The following SHB variants were observed in gnomAD, a reference collection of about 807,000 sequenced individuals.
SHB encodes the protein SH2 domain-containing adapter protein B.
SHB carries 20 observed loss-of-function variants against 52.3 expected under a neutral mutation model. The observed-to-expected ratio is 0.38, with a 90% CI of 0.27 to 0.56. The LOEUF (loss-of-function observed/expected upper bound fraction) is 0.56. Among genes scored for constraint, SHB ranks in the 20% least tolerant of loss-of-function variants. The pLI is 0.71. For missense variants in SHB, 825 were observed against 723.3 expected, an observed-to-expected ratio of 1.14 and a Z score of -1.61; for synonymous variants, 397 against 316.5, an observed-to-expected ratio of 1.25 and a Z score of -2.70.
At chr9:37,942,193 C>A (rs1280968725) in intron 5 of SHB, among the ~76,000 whole-genome samples, 1 of 152,190 alleles carries the variant, frequency 6.6e-6, no homozygotes. Flanking sequence ...AGGTATTTGC[C>A]GGCTAAAGAC....
intron 5 of SHB, among the ~76,000 whole-genome samples, chr9:37,923,801 C>T (rs1460035747): frequency 6.6e-6 from 1 of 152,212 alleles, no homozygotes; most frequent in African/African-American, 2.4e-5. Flanking sequence ...CCCTGGGGTA[C>T]CGTGGAGGAA....
intron 2 of SHB, among the ~76,000 whole-genome samples, chr9:37,988,503 T>C (rs1820838726): frequency 6.6e-6 from 1 of 152,132 alleles, no homozygotes; most frequent in Admixed American, 6.5e-5. Flanking sequence ...CCTACTAGCA[T>C]GTTGGACGCT....
At chr9:37,944,165 G>C (rs568122783) in intron 5 of SHB, among the ~76,000 whole-genome samples, 1 of 152,168 alleles carries the variant, frequency 6.6e-6, no homozygotes, top group Non-Finnish European at 1.5e-5. Flanking sequence ...CAGAATCGCC[G>C]AAGACGATTC....
At chr9:38,017,565 C>G (rs911196701) in intron 1 of SHB, among the ~76,000 whole-genome samples, 1 of 152,216 alleles carries the variant, frequency 6.6e-6, no homozygotes, top group Admixed American at 6.5e-5. Flanking sequence ...TGGAGGCCAA[C>G]GGGAGGTTTA....
At chr9:38,056,106 G>A (rs1821812402) in intron 1 of SHB, among the ~76,000 whole-genome samples, 1 of 152,104 alleles carries the variant, frequency 6.6e-6, no homozygotes, top group Non-Finnish European at 1.5e-5. Flanking sequence ...TCACTGATGA[G>A]ACCTAAACAC....
Position 38,023,414 on chromosome 9 carries a change from G to A in SHB, c.718-7283C>T, listed in dbSNP as rs112699262. Among the ~76,000 whole-genome samples the A allele has an allele frequency of 7.8e-3, 1,182 of 152,278 alleles. 12 individuals carry two copies. Among genetic ancestry groups the A allele is most frequent in the African/African-American group, 0.026 (1,099 of 41,548 alleles). ...GTCAGTAATTTATAAAGAAAAGGCC[G>A]TGTCCTTGTTACAGAGCAGATGGCA... On this transcript the variant is annotated intron_variant, in intron 1 of 5. Coordinates refer to ENST00000377707, the MANE Select transcript of SHB (RefSeq NM_003028.3).
At chr9:37,984,162 G>A (rs772393179) in intron 2 of SHB, among the ~76,000 whole-genome samples, 1 of 152,190 alleles carries the variant, frequency 6.6e-6, no homozygotes, top group Non-Finnish European at 1.5e-5. Context: ...CCATTTCAAC[G>A]ACCACTCCTG....
chr9:37,964,516 G>T (rs1164406129), intron 3 of SHB, among the ~76,000 whole-genome samples: 1 of 152,084 alleles, frequency 6.6e-6, no homozygotes, highest in Non-Finnish European at 1.5e-5. Context: ...GAAATAACCC[G>T]AACGCAGAGG....
chr9:37,950,772 T>G (rs756579067), intron 4 of SHB, among the ~76,000 whole-genome samples: 6 of 152,188 alleles, frequency 3.9e-5, no homozygotes, highest in African/African-American at 1.2e-4. Context: ...GAAGGGCCAA[T>G]GTAGAGCCTG....
rs544105688 is a variant in SHB, at chr9:38,063,039, A to G, written c.717+4890T>C. ...TTAAATGACCGATTAAGTGGTTACT[A>G]TGAAGCCTGGGGAATGTATTTCCCT... On this transcript the variant is annotated intron_variant, in intron 1 of 5. Transcript: ENST00000377707. 5.3e-5 allele frequency among the ~76,000 whole-genome samples: 8 copies of G among 152,362 alleles called. 1 individual carries two copies. In the South Asian group the frequency reaches 1.7e-3, roughly 32 times the overall value.
chr9:37,937,021 C>T (rs1286744545), intron 5 of SHB, among the ~76,000 whole-genome samples: 1 of 152,252 alleles, frequency 6.6e-6, no homozygotes, highest in African/African-American at 2.4e-5. Context: ...TCCTCCTCAA[C>T]TGGCCCCTCC....
intron 5 of SHB, among the ~76,000 whole-genome samples, chr9:37,929,719 G>A (rs538450312): frequency 6.6e-5 from 10 of 152,366 alleles, no homozygotes; most frequent in South Asian, 4.1e-4. Flanking sequence ...GGGGCAAGGC[G>A]TTTACTGCCC....
chr9:38,020,993 C>A (rs1365960101), intron 1 of SHB, among the ~76,000 whole-genome samples: 1 of 152,192 alleles, frequency 6.6e-6, no homozygotes, highest in Non-Finnish European at 1.5e-5. Context: ...GGAGCCACTG[C>A]AGAAATGCAA....
chr9:38,057,760 AACC>A (rs1395125424), intron 1 of SHB, among the ~76,000 whole-genome samples: 1 of 152,204 alleles, frequency 6.6e-6, no homozygotes, highest in African/African-American at 2.4e-5. Flanking sequence ...GGCCTGGAGA[AACC>A]TGCAGACTCT....
intron 5 of SHB, among the ~76,000 whole-genome samples, chr9:37,935,984 C>A (rs1832364855): frequency 1.3e-5 from 2 of 151,348 alleles, no homozygotes; most frequent in African/African-American, 4.9e-5. Context: ...AGGCAGATCA[C>A]CTGACGTCAG....
intron 4 of SHB, among the ~76,000 whole-genome samples, chr9:37,951,840 C>T (rs578088114): frequency 6.6e-6 from 1 of 152,368 alleles, no homozygotes; most frequent in South Asian, 2.1e-4. Context: ...GCCGGGCCGG[C>T]ACTGGCCAGC....
intron 3 of SHB, among the ~76,000 whole-genome samples, chr9:37,961,098 C>T (rs1283241149): frequency 2.0e-5 from 3 of 152,174 alleles, no homozygotes; most frequent in Admixed American, 6.5e-5. Flanking sequence ...CTGGCACAAA[C>T]GCCACCTCCT....
At chr9:37,988,889 C>A (rs2118008552) in intron 2 of SHB, among the ~76,000 whole-genome samples, 1 of 152,296 alleles carries the variant, frequency 6.6e-6, no homozygotes, top group Non-Finnish European at 1.5e-5. Context: ...TAGCCTTTTT[C>A]CTGCCTTCAG....
In SHB at chr9:38,067,951, C is replaced by G; in HGVS notation, c.695G>C (p.Ser232Thr). ...NKCAASAAEE[S>T]GAGKKDKVTI... ...TACCTTGTCCTTCTTGCCGGCCCCG[C>G]TCTCCTCCGCGGCTGAGGCGGCGCA... The change falls in exon 1 of 6, where the codon AGC (serine) becomes ACC (threonine). Residue 232 changes from serine (S) to threonine (T), a missense_variant. Coordinates refer to ENST00000377707, the MANE Select transcript of SHB (RefSeq NM_003028.3). The G allele has an allele frequency of 6.5e-7, 1 of 1,545,788 alleles. No individual in the cohort carries two copies. Among genetic ancestry groups the G allele is most frequent in the Non-Finnish European group, 8.6e-7 (1 of 1,156,206 alleles).
Sources: gnomAD v4.1 joint callset for allele counts (sites outside exome capture counted in the v4.1 genomes callset) on GRCh38, gnomAD v4.1.1 for gene constraint, MANE v1.5 for transcripts, NCBI Gene and HGNC (gene_info 2026-07-23, HGNC 2026-07-21) for gene names.